The following INPP5J variants were observed in gnomAD, a reference collection of about 807,000 sequenced individuals.
The protein encoded by INPP5J is phosphatidylinositol 4,5-bisphosphate 5-phosphatase A.
A neutral mutation model predicts 86.6 loss-of-function variants in INPP5J; 75 were observed. The ratio of observed to expected loss-of-function variants is 0.87; its 90% CI spans 0.72 to 1.05. The LOEUF (loss-of-function observed/expected upper bound fraction) is 1.05, where lower values mean the gene tolerates loss of function less well. INPP5J is among the 50% of genes least tolerant of loss of function. The probability of loss-of-function intolerance (pLI) is 0.00; values close to 1 mark genes in which losing one functional copy is unlikely to be tolerated. For synonymous variants in INPP5J, 540 were observed against 550.0 expected, an observed-to-expected ratio of 0.98 and a Z score of 0.25; for missense variants, 1,229 against 1,341.2, an observed-to-expected ratio of 0.92 and a Z score of 1.31.
chr22:31,122,693 C>T (rs1250047933), upstream of INPP5J: 1 of 309,014 alleles, frequency 3.2e-6, no homozygotes, highest in Non-Finnish European at 5.9e-6. Flanking sequence ...TAATGCCCCT[C>T]CCTGGAGCAA....
At position 31,125,209 on chromosome 22, in the gene INPP5J, C is replaced by T. The variant is rs776093227; in HGVS notation, c.470C>T (p.Pro157Leu). The change falls in exon 2 of 13, where the codon CCC becomes CTC. Residue 157 changes from proline to leucine, a missense_variant. Pro to Leu is a moderately conservative substitution (Grantham distance 98, BLOSUM62 -3). Coordinates refer to ENST00000331075, the MANE Select transcript of INPP5J (RefSeq NM_001284285.2). ...AGATCTCCCCCAGTCACCCTGGGGC[C>T]CAATCTGGCCCCAACCTCCAGAGAC... ...GPRSPPVTLG[P>L]NLAPTSRDQK... is the part of the protein sequence containing the mutation. 3.5e-5 allele frequency: 54 copies of T among 1,550,400 alleles called. No homozygotes were observed. Among genetic ancestry groups the T allele is most frequent in the Admixed American group, 2.2e-4 (11 of 50,980 alleles).
chr22:31,128,254 T>C lies in INPP5J; in HGVS notation c.1940T>C (p.Phe647Ser). Reference sequence around the variant, plus strand: ...AACACCTGGCCCATTCTGAAGGGCTTTCAGGAGGGGCCCCTCAACTTCGCT... The same window carrying C: ...AACACCTGGCCCATTCTGAAGGGCTCTCAGGAGGGGCCCCTCAACTTCGCT... ...AKNTWPILKG[F>S]QEGPLNFAPT... is the part of the protein sequence containing the mutation. Residue 647 changes from phenylalanine to serine, a missense_variant, in exon 8 of 13, where the codon TTT (phenylalanine) becomes TCT (serine). Coordinates refer to ENST00000331075, the MANE Select transcript of INPP5J (RefSeq NM_001284285.2). 1 of 1,601,162 alleles carries C rather than the reference T, an allele frequency of 6.2e-7. No individual in the cohort carries two copies. Among genetic ancestry groups the C allele is most frequent in the Non-Finnish European group, 8.5e-7 (1 of 1,173,862 alleles).
At chr22:31,127,930 C>G (rs1259344697) in intron 6 of INPP5J, 21 bp from the exon 7 acceptor site, 7 of 1,382,640 alleles carry the variant, frequency 5.1e-6, no homozygotes, top group African/African-American at 1.4e-5. Flanking sequence ...CCACATCTCT[C>G]CCATCCCCCA....
Position 31,127,379 on chromosome 22 carries a change from TGCGCCTGGCGGCCTTCGG to T in INPP5J, c.1637_1654del (p.Arg546_Gly551del). On this transcript the variant is annotated inframe_deletion, in exon 6 of 13. Transcript: ENST00000331075. ...TAGGGTAACAAGGGTGGCGTGAGCG[TGCGCCTGGCGGCCTTCGG>T]GCACATGCTCTGCTTCCTGAACTGC... 1.2e-6 allele frequency: 2 copies of T among 1,612,784 alleles called. No homozygotes were observed. The highest frequency in any genetic ancestry group is 1.7e-6 in the Non-Finnish European group (2 of 1,179,382).
At position 31,125,910 on chromosome 22, in the gene INPP5J, C is replaced by T. The variant is rs764123004; in HGVS notation, c.1171C>T (p.Gln391Ter). The change falls in exon 2 of 13, where the codon CAA (glutamine) becomes TAA (stop). Residue 391 changes from glutamine (Q) to a stop codon, truncating the protein, a stop_gained. Transcript: ENST00000331075. LOFTEE classifies it high-confidence loss of function. ...GRCLSPNLQA[Q>*]EAPAPVTTSS... Reference sequence around the variant, plus strand: ...GTGCCTGAGCCCCAACCTTCAGGCCCAAGAAGCCCCAGCCCCAGTCACCAC... The same window carrying T: ...GTGCCTGAGCCCCAACCTTCAGGCCTAAGAAGCCCCAGCCCCAGTCACCAC... 6.2e-7 allele frequency: 1 copy of T among 1,613,232 alleles called. No individual in the cohort carries two copies. Among genetic ancestry groups the T allele is most frequent in the South Asian group, 1.1e-5 (1 of 90,964 alleles).
chr22:31,133,753 A>G, intron 12 of INPP5J, 39 bp downstream of exon 12: 1 of 1,581,628 alleles, frequency 6.3e-7, no homozygotes, highest in Non-Finnish European at 8.7e-7. Flanking sequence ...GTGCCTAAAG[A>G]CTTTTGTCAA....
chr22:31,126,844 G>A, intron 4 of INPP5J, 77 bp from the exon 5 acceptor site: 1 of 1,418,548 alleles, frequency 7.0e-7, no homozygotes, highest in Non-Finnish European at 1.0e-6. Context: ...TGGGTGGGTG[G>A]AGGAGCAGAC....
intron 1 of INPP5J, 62 bp downstream of exon 1, chr22:31,123,181 C>G (rs536150222): frequency 4.4e-5 from 45 of 1,014,364 alleles, no homozygotes; most frequent in African/African-American, 8.6e-5. Flanking sequence ...ACACCCCCCC[C>G]ACATACACTG....
At chr22:31,130,708 G>A (rs1380886820) in intron 9 of INPP5J, among the ~76,000 whole-genome samples, 8 of 152,178 alleles carry the variant, frequency 5.3e-5, no homozygotes, top group African/African-American at 1.9e-4. Flanking sequence ...CATTATGAGA[G>A]TGTGTAGTGA....
chr22:31,128,106 C>G, intron 7 of INPP5J, 44 bp downstream of exon 7: 1 of 1,494,420 alleles, frequency 6.7e-7, no homozygotes, highest in Non-Finnish European at 9.3e-7. Flanking sequence ...TGTCCCAGGA[C>G]ACGCCTGTAC....
In INPP5J at chr22:31,128,030, G is replaced by C; in HGVS notation, c.1867G>C (p.Asp623His). ...LHFVKFAIDSDQLHQLWEKDQ... is the reference protein window; with the variant it reads ...LHFVKFAIDSHQLHQLWEKDQ... ...CTTTGTCAAGTTTGCCATCGACAGT[G>C]ACCAGCTCCATCAGCTCTGGGAGAA... is the stretch of plus-strand genomic sequence containing the variant. The change falls in exon 7 of 13, where the codon GAC becomes CAC. Residue 623 changes from aspartate to histidine, a missense_variant. Coordinates refer to ENST00000331075, the MANE Select transcript of INPP5J (RefSeq NM_001284285.2). 6.2e-7 allele frequency: 1 copy of C among 1,613,248 alleles called. No individual in the cohort carries two copies. Among genetic ancestry groups the C allele is most frequent in the Non-Finnish European group, 8.5e-7 (1 of 1,179,616 alleles).
At chr22:31,128,191 C>G in intron 7 of INPP5J, 23 bp from the exon 8 acceptor site, 4 of 1,548,724 alleles carry the variant, frequency 2.6e-6, no homozygotes, top group Non-Finnish European at 3.5e-6. Flanking sequence ...GTTGTCCAAT[C>G]TGCTCTCCTG....
In INPP5J at chr22:31,127,360, A is replaced by G; in HGVS notation, c.1615A>G (p.Asn539Asp). Residue 539 changes from asparagine (N) to aspartate (D), a missense_variant, in exon 6 of 13, where the codon AAC becomes GAC. By Grantham distance (23) the Asn-to-Asp change is conservative. Coordinates refer to ENST00000331075, the MANE Select transcript of INPP5J (RefSeq NM_001284285.2). Reference sequence around the variant, plus strand: ...CCATCCGACCCTGCCTCCCTAGGGTAACAAGGGTGGCGTGAGCGTGCGCCT... The same window carrying G: ...CCATCCGACCCTGCCTCCCTAGGGTGACAAGGGTGGCGTGAGCGTGCGCCT... ...TRTGLGGYWG[N>D]KGGVSVRLAA... 1.2e-6 allele frequency: 2 copies of G among 1,609,206 alleles called. No homozygotes were observed. Among genetic ancestry groups the G allele is most frequent in the Non-Finnish European group, 1.7e-6 (2 of 1,177,586 alleles).
At chr22:31,126,868 C>T (rs1457164646) in intron 4 of INPP5J, 53 bp from the exon 5 acceptor site, 8 of 1,478,108 alleles carry the variant, frequency 5.4e-6, no homozygotes, top group African/African-American at 4.2e-5. Context: ...AAGGTGGGCG[C>T]GAGGGCGGGG....
At position 31,126,904 on chromosome 22, in the gene INPP5J, G is replaced by A. The variant is rs1013103456; in HGVS notation, c.1495-17G>A. ...GAGTTGTGTTCTGTCCCCCAGCCACGTGGCCTCCCGCTGCAGGTGAGTTCG... is the reference window on the plus strand; with the variant it reads ...GAGTTGTGTTCTGTCCCCCAGCCACATGGCCTCCCGCTGCAGGTGAGTTCG... On this transcript the variant is annotated splice_polypyrimidine_tract_variant and intron_variant, in intron 4 of 12. Transcript: ENST00000331075. 8.2e-6 allele frequency: 13 copies of A among 1,585,666 alleles called. No homozygotes were observed. Among genetic ancestry groups the A allele is most frequent in the Middle Eastern group, 1.7e-4 (1 of 6,042 alleles).
At chr22:31,122,781 A>G (rs1488680429), upstream of INPP5J, 2 of 443,958 alleles carry the variant, frequency 4.5e-6, no homozygotes, top group Admixed American at 4.4e-5. Flanking sequence ...GACCTGGGCC[A>G]GGCAGATGGG....
rs949456313 is a variant in INPP5J, at chr22:31,125,146, C to G, written c.407C>G (p.Thr136Arg). 9 of 1,550,282 alleles carry G rather than the reference C, an allele frequency of 5.8e-6. No homozygotes were observed. Among genetic ancestry groups the G allele is most frequent in the Non-Finnish European group, 7.8e-6 (9 of 1,146,990 alleles). ...ACCACAGGCTCAGTTCTGGCTCCGACGTCCCTGGGGCTGGTGATGCCTGCC... is the reference window on the plus strand; with the variant it reads ...ACCACAGGCTCAGTTCTGGCTCCGAGGTCCCTGGGGCTGGTGATGCCTGCC... ...PATTGSVLAP[T>R]SLGLVMPASA... Residue 136 changes from threonine to arginine, a missense_variant, in exon 2 of 13, where the codon ACG (threonine) becomes AGG (arginine). Transcript: ENST00000331075.
rs1278370768 is a variant in INPP5J, at chr22:31,124,830, C to T, written c.106-15C>T. 8 of 1,599,694 alleles carry T rather than the reference C, an allele frequency of 5.0e-6. No individual in the cohort carries two copies. Among genetic ancestry groups the T allele is most frequent in the South Asian group, 1.1e-5 (1 of 89,594 alleles). ...GGTTAGGGTCACTCTGAATCTTTGACTTGTCCTCCACAAGGTGGACTCAAG... is the reference window on the plus strand; with the variant it reads ...GGTTAGGGTCACTCTGAATCTTTGATTTGTCCTCCACAAGGTGGACTCAAG... On this transcript the variant is annotated splice_polypyrimidine_tract_variant and intron_variant, in intron 1 of 12. Coordinates refer to ENST00000331075, the MANE Select transcript of INPP5J (RefSeq NM_001284285.2).
Position 31,125,115 on chromosome 22 carries a change from C to T in INPP5J, c.376C>T (p.Pro126Ser). Reference sequence around the variant, plus strand: ...TGCCTCAGCTGGACCAAAGCCTCCCCCAGCGACCACAGGCTCAGTTCTGGC... The same window carrying T: ...TGCCTCAGCTGGACCAAAGCCTCCCTCAGCGACCACAGGCTCAGTTCTGGC... ...MSASAGPKPP[P>S]ATTGSVLAPT... The change falls in exon 2 of 13, where the codon CCA (proline) becomes TCA (serine). Residue 126 changes from proline (P) to serine (S), a missense_variant. Physicochemically the swap from Pro to Ser is moderately conservative, Grantham distance 74. Coordinates refer to ENST00000331075, the MANE Select transcript of INPP5J (RefSeq NM_001284285.2). The T allele has an allele frequency of 6.5e-7, 1 of 1,550,046 alleles. No individual in the cohort carries two copies. The highest frequency in any genetic ancestry group is 8.7e-7 in the Non-Finnish European group (1 of 1,146,960).
Sources: gnomAD v4.1 joint callset for allele counts (sites outside exome capture counted in the v4.1 genomes callset) on GRCh38, gnomAD v4.1.1 for gene constraint, MANE v1.5 for transcripts, NCBI Gene and HGNC (gene_info 2026-07-23, HGNC 2026-07-21) for gene names.